Variants in PRKCA observed in about 807,000 individuals in gnomAD.
PRKCA encodes the protein protein kinase C alpha.
In PRKCA, 27 loss-of-function variants were observed where a neutral mutation model predicts 87.0. The observed-to-expected ratio is 0.31, with a 90% CI of 0.23 to 0.43. PRKCA has a LOEUF of 0.43. PRKCA is among the 20% of genes least tolerant of loss of function. PRKCA has a pLI of 1.00. For missense variants in PRKCA, 518 were observed against 852.3 expected (o/e 0.61, Z 4.88); for synonymous variants, 329 against 311.1 (o/e 1.06, Z -0.61).
chr17:66,652,204 C>T (rs1273773220), intron 5 of PRKCA, among the ~76,000 whole-genome samples: 1 of 152,164 alleles, frequency 6.6e-6, no homozygotes, highest in African/African-American at 2.4e-5. Flanking sequence ...GGTGATCCAC[C>T]TGCCTTGACC....
chr17:66,645,632 C>A, intron 5 of PRKCA, 121 bp downstream of exon 5: 1 of 1,393,596 alleles, frequency 7.2e-7, no homozygotes, highest in Non-Finnish European at 9.8e-7. Context: ...GGCAGTCGCC[C>A]TGGTGGAGCC....
At chr17:66,418,371 A>G (rs1043080628) in intron 2 of PRKCA, among the ~76,000 whole-genome samples, 1 of 152,126 alleles carries the variant, frequency 6.6e-6, no homozygotes, top group African/African-American at 2.4e-5. Context: ...TAAACAGTAA[A>G]ACCAAGATTT....
chr17:66,486,581 C>T (rs1915996256), intron 2 of PRKCA, among the ~76,000 whole-genome samples: 1 of 152,138 alleles, frequency 6.6e-6, no homozygotes, highest in Admixed American at 6.5e-5. Flanking sequence ...ACCCCTCAGA[C>T]AGCCTCGTCC....
At chr17:66,501,033 C>G (rs1916708791) in intron 3 of PRKCA, among the ~76,000 whole-genome samples, 1 of 151,932 alleles carries the variant, frequency 6.6e-6, no homozygotes, top group African/African-American at 2.4e-5. Context: ...CTTCGTTGAG[C>G]TTGGCAGACT....
intron 16 of PRKCA, among the ~76,000 whole-genome samples, chr17:66,795,200 AG>A (rs1376125940): frequency 6.6e-6 from 1 of 152,160 alleles, no homozygotes; most frequent in Admixed American, 6.5e-5. Context: ...TATGTAGTGC[AG>A]GGGCTCTGCA....
chr17:66,517,034 C>T (rs1966989924), intron 3 of PRKCA, among the ~76,000 whole-genome samples: 1 of 152,084 alleles, frequency 6.6e-6, no homozygotes, highest in Non-Finnish European at 1.5e-5. Flanking sequence ...GCCTGTAATC[C>T]CAGCACTTTG....
chr17:66,417,695 C>T (rs1261430609), intron 2 of PRKCA, among the ~76,000 whole-genome samples: 1 of 152,146 alleles, frequency 6.6e-6, no homozygotes, highest in African/African-American at 2.4e-5. Context: ...ATTGCCCAGG[C>T]TCACGTTTGG....
At chr17:66,523,411 G>T (rs1483845885) in intron 3 of PRKCA, among the ~76,000 whole-genome samples, 1 of 152,064 alleles carries the variant, frequency 6.6e-6, no homozygotes, top group African/African-American at 2.4e-5. Flanking sequence ...CCTTGAGCAG[G>T]GCATTTAACC....
rs1904803578 is a variant in PRKCA, at chr17:66,306,112, G to A, written c.190G>A (p.Gly64Ser). The change falls in exon 2 of 17, where the codon GGC becomes AGC. Residue 64 changes from glycine (G) to serine (S), a missense_variant. Gly to Ser is a moderately conservative substitution (Grantham distance 56). Coordinates refer to ENST00000413366, the MANE Select transcript of PRKCA (RefSeq NM_002737.3). ...GTTTTTCAGGGGGTTTGGGAAACAA[G>A]GCTTCCAGTGCCAAGGTAAGCTACC... ...TDFIWGFGKQ[G>S]FQCQVCCFVV... The A allele has an allele frequency of 1.2e-6, 2 of 1,612,130 alleles. No individual in the cohort carries two copies. Among genetic ancestry groups the A allele is most frequent in the Non-Finnish European group, 1.7e-6 (2 of 1,179,314 alleles).
intron 2 of PRKCA, among the ~76,000 whole-genome samples, chr17:66,401,772 C>T (rs544886902): frequency 1.3e-5 from 2 of 152,204 alleles, no homozygotes; most frequent in East Asian, 3.9e-4. Context: ...GAAGATAACC[C>T]ACAGATTTCT....
At chr17:66,749,420 A>T (rs998425732) in intron 13 of PRKCA, among the ~76,000 whole-genome samples, 8 of 151,988 alleles carry the variant, frequency 5.3e-5, no homozygotes, top group Non-Finnish European at 1.2e-4. Flanking sequence ...CACCCCAGGC[A>T]TCTGCTCAGA....
At chr17:66,384,405 G>A (rs897976965) in intron 2 of PRKCA, among the ~76,000 whole-genome samples, 7 of 152,070 alleles carry the variant, frequency 4.6e-5, no homozygotes, top group South Asian at 2.1e-4. Context: ...GGATTTTCTC[G>A]CACATTTCCT....
At chr17:66,539,615 A>G (rs1049849125) in intron 3 of PRKCA, among the ~76,000 whole-genome samples, 1 of 152,094 alleles carries the variant, frequency 6.6e-6, no homozygotes, top group East Asian at 1.9e-4. Flanking sequence ...TGTGTTAGCC[A>G]GGATAGTCTC....
intron 16 of PRKCA, among the ~76,000 whole-genome samples, chr17:66,798,485 G>A (rs1009622584): frequency 4.6e-5 from 3 of 65,138 alleles, no homozygotes; most frequent in Admixed American, 1.5e-4. Flanking sequence ...GGTGGTGGTG[G>A]TGACGGTGGT....
chr17:66,560,873 G>A (rs896943480), intron 3 of PRKCA, among the ~76,000 whole-genome samples: 2 of 152,180 alleles, frequency 1.3e-5, no homozygotes, highest in Non-Finnish European at 2.9e-5. Context: ...TGGAGGGCCT[G>A]TCCACCCTTG....
intron 5 of PRKCA, among the ~76,000 whole-genome samples, chr17:66,660,955 C>T (rs1014472949): frequency 2.0e-5 from 3 of 152,036 alleles, no homozygotes; most frequent in Non-Finnish European, 4.4e-5. Context: ...AACCAACCCA[C>T]TCAGGTAGAA....
chr17:66,677,847 G>A (rs972136184), intron 5 of PRKCA, among the ~76,000 whole-genome samples: 3 of 152,176 alleles, frequency 2.0e-5, no homozygotes, highest in African/African-American at 7.2e-5. Context: ...ATAACTCACA[G>A]GTCATAATAT....
chr17:66,641,716 A>T (rs1345434897), intron 4 of PRKCA, among the ~76,000 whole-genome samples: 9 of 147,422 alleles, frequency 6.1e-5, no homozygotes, highest in Non-Finnish European at 7.5e-5. Context: ...GGGTGCTGTC[A>T]CTTTTTTTTT....
At chr17:66,718,358 G>A (rs1278751640) in intron 8 of PRKCA, among the ~76,000 whole-genome samples, 7 of 152,264 alleles carry the variant, frequency 4.6e-5, no homozygotes, top group Non-Finnish European at 1.0e-4. Flanking sequence ...TGATGCCCAG[G>A]CGGGAGTGCA....
Sources: allele counts gnomAD v4.1 joint callset (sites outside exome capture counted in the v4.1 genomes callset), GRCh38; gene constraint gnomAD v4.1.1; transcripts MANE v1.5; gene names NCBI Gene and HGNC (gene_info 2026-07-23, HGNC 2026-07-21).